Variants in RREB1 observed in about 807,000 individuals in gnomAD.
RREB1 encodes the protein ras responsive element binding protein 1, also known as ras-responsive element-binding protein 1.
In RREB1, 27 loss-of-function variants were observed where a neutral mutation model predicts 117.8. That is an observed-to-expected ratio of 0.23 (90% CI 0.17 to 0.32). The LOEUF is 0.32. Among genes scored for constraint, RREB1 ranks in the 10% least tolerant of loss-of-function variants. The pLI is 1.00. For synonymous variants in RREB1, 1,298 were observed against 1,026.7 expected (o/e 1.26, Z -5.05); for missense variants, 2,577 against 2,378.2 (o/e 1.08, Z -1.74).
At chr6:7,142,550 C>T (rs1762656606) in intron 1 of RREB1, among the ~76,000 whole-genome samples, 1 of 152,274 alleles carries the variant, frequency 6.6e-6, no homozygotes, top group Non-Finnish European at 1.5e-5. Context: ...TGCCAGGCGC[C>T]TTGCTGAGTG....
At chr6:7,179,819 T>A (rs1042745607) in intron 2 of RREB1, among the ~76,000 whole-genome samples, 3 of 152,132 alleles carry the variant, frequency 2.0e-5, no homozygotes, top group East Asian at 1.9e-4. Flanking sequence ...CTTTTAATTT[T>A]AAAAAATCTT....
At chr6:7,235,584 C>T (rs1180731817) in intron 10 of RREB1, among the ~76,000 whole-genome samples, 2 of 152,170 alleles carry the variant, frequency 1.3e-5, no homozygotes, top group Non-Finnish European at 1.5e-5. Flanking sequence ...GGATTTTAGG[C>T]GTGAGCCACG....
intron 1 of RREB1, among the ~76,000 whole-genome samples, chr6:7,109,854 G>A (rs1402067270): frequency 6.6e-6 from 1 of 152,142 alleles, no homozygotes; most frequent in African/African-American, 2.4e-5. Flanking sequence ...GATGGTGGTG[G>A]ATGTGGAGAG....
At chr6:7,131,010 C>T (rs1251992750) in intron 1 of RREB1, among the ~76,000 whole-genome samples, 1 of 140,748 alleles carries the variant, frequency 7.1e-6, no homozygotes, top group Non-Finnish European at 1.5e-5. Context: ...GCGATCTCGG[C>T]TCACTGCAAG....
intron 1 of RREB1, among the ~76,000 whole-genome samples, chr6:7,127,236 T>C (rs1404787088): frequency 6.6e-6 from 1 of 152,180 alleles, no homozygotes; most frequent in Non-Finnish European, 1.5e-5. Context: ...AGGACTGTGA[T>C]GTGAGCAGCT....
intron 1 of RREB1, among the ~76,000 whole-genome samples, chr6:7,147,854 G>GA (rs78572202): frequency 0.031 from 4,244 of 138,628 alleles, 79 homozygotes; most frequent in Middle Eastern, 0.045. Flanking sequence ...GTGAGTTCAG[G>GA]AAAAAAAAAA....
rs563166067 is a variant in RREB1, at chr6:7,126,002, T to TGTTA, written c.-285+17945_-285+17946insAGTT. On this transcript the variant is annotated intron_variant, in intron 1 of 12. Transcript: ENST00000379938. The stretch of plus-strand genomic sequence containing the variant: ...AAGGACTGTTTTTTGTTTGTTTGTT[T>TGTTA]GTTTGTTTGTTTGTTTTGAGACGGA... Among the ~76,000 whole-genome samples the TGTTA allele has an allele frequency of 3.8e-3, 575 of 152,076 alleles. 4 individuals are homozygous for TGTTA. Among genetic ancestry groups the TGTTA allele is most frequent in the South Asian group, 0.024 (116 of 4,818 alleles).
rs1430036848 is a variant in RREB1, at chr6:7,230,617, G to A, written c.2518G>A (p.Glu840Lys). ...GGGCCCCGCAGAGGCGCCGGCCGCT[G>A]AGGCGTCGGGGCGCGGGGAGGACAG... Reference protein sequence around the residue: ...GLGPAEAPAAEASGRGEDSGC... With the variant: ...GLGPAEAPAAKASGRGEDSGC... The change falls in exon 10 of 13, where the codon GAG becomes AAG. Residue 840 changes from glutamate (E) to lysine (K), a missense_variant. Glu to Lys is a moderately conservative substitution (Grantham distance 56). Coordinates refer to ENST00000379938, the MANE Select transcript of RREB1 (RefSeq NM_001003699.4). 2 of 1,604,842 alleles carry A rather than the reference G, an allele frequency of 1.2e-6. No homozygotes were observed. Among genetic ancestry groups the A allele is most frequent in the African/African-American group, 1.3e-5 (1 of 74,780 alleles).
intron 1 of RREB1, among the ~76,000 whole-genome samples, chr6:7,117,388 GTTTTTTTTTTTTTTTTTTTTTTTT>G (rs70978941): frequency 7.9e-5 from 5 of 63,292 alleles, no homozygotes; most frequent in South Asian, 7.6e-4. Flanking sequence ...TAGGTTTCCT[GTTTTTTTTTTTTTTTTTTTTTTTT>G]TTTTTTTTTT....
intron 1 of RREB1, among the ~76,000 whole-genome samples, chr6:7,157,569 G>A (rs1027494314): frequency 1.3e-5 from 2 of 151,668 alleles, no homozygotes; most frequent in East Asian, 1.9e-4. Flanking sequence ...CCAGGAGTTC[G>A]AGACCAGCCT....
rs770591757 is a variant in RREB1, at chr6:7,230,443, G to A, written c.2344G>A (p.Gly782Arg). 19 of 1,591,852 alleles carry A rather than the reference G, an allele frequency of 1.2e-5. No homozygotes were observed. The Admixed American group carries it at 2.7e-4, about 23-fold the overall frequency. ...CACGCACTGCGGCCGCGGCCTGGGCGGGGGCCACAAGGGCCGCAAGCCCTT... is the reference window on the plus strand; with the variant it reads ...CACGCACTGCGGCCGCGGCCTGGGCAGGGGCCACAAGGGCCGCAAGCCCTT... ...MRTHCGRGLG[G>R]GHKGRKPFEC... is the part of the protein sequence containing the mutation. Residue 782 changes from glycine (G) to arginine (R), a missense_variant, in exon 10 of 13, where the codon GGG becomes AGG. By Grantham distance (125) the Gly-to-Arg change is moderately radical (BLOSUM62 -2). Transcript: ENST00000379938.
intron 1 of RREB1, among the ~76,000 whole-genome samples, chr6:7,141,140 GC>G (rs1762558014): frequency 6.6e-6 from 1 of 152,128 alleles, no homozygotes; most frequent in African/African-American, 2.4e-5. Flanking sequence ...CCCTCGGGCC[GC>G]CCCCAGGGCT....
chr6:7,125,991 G>T (rs1285876), intron 1 of RREB1, among the ~76,000 whole-genome samples: 4,231 of 147,794 alleles, frequency 0.029, 163 homozygotes, highest in African/African-American at 0.09. Flanking sequence ...ACTGTTTTTT[G>T]TTTGTTTGTT....
intron 8 of RREB1, among the ~76,000 whole-genome samples, chr6:7,225,948 A>G (rs548186598): frequency 9.2e-5 from 14 of 152,350 alleles, no homozygotes; most frequent in African/African-American, 2.6e-4. Flanking sequence ...TTAATGCACA[A>G]TCACCATCAC....
At chr6:7,234,716 A>G (rs1378208450) in intron 10 of RREB1, among the ~76,000 whole-genome samples, 2 of 152,256 alleles carry the variant, frequency 1.3e-5, no homozygotes, top group Non-Finnish European at 2.9e-5. Flanking sequence ...GCTAGTCTTC[A>G]TGACAATCCT....
At chr6:7,163,207 G>A (rs1763753996) in intron 1 of RREB1, among the ~76,000 whole-genome samples, 1 of 152,114 alleles carries the variant, frequency 6.6e-6, no homozygotes, top group Admixed American at 6.6e-5. Flanking sequence ...TATTTACCGT[G>A]GCCAGGTAGC....
At chr6:7,213,272 C>T (rs928898529) in intron 8 of RREB1, 2 of 152,190 alleles carry the variant, frequency 1.3e-5, no homozygotes, top group African/African-American at 4.8e-5. Flanking sequence ...TCAAGTGATT[C>T]TCCTGCCTCA....
chr6:7,217,726 A>T (rs542600798), intron 8 of RREB1: 13 of 152,190 alleles, frequency 8.5e-5, no homozygotes, highest in Non-Finnish European at 1.6e-4. Flanking sequence ...TTTTCTTCTG[A>T]TACTATTATT....
chr6:7,116,991 T>G (rs1162389107), intron 1 of RREB1, among the ~76,000 whole-genome samples: 1 of 152,182 alleles, frequency 6.6e-6, no homozygotes, highest in Non-Finnish European at 1.5e-5. Flanking sequence ...TTTTGTTTCA[T>G]TAGTGGTATG....
Sources: allele counts gnomAD v4.1 joint callset (sites outside exome capture counted in the v4.1 genomes callset), GRCh38; gene constraint gnomAD v4.1.1; transcripts MANE v1.5; gene names NCBI Gene and HGNC (gene_info 2026-07-23, HGNC 2026-07-21).